Variants in HOXC4 observed in about 807,000 individuals in gnomAD.
HOXC4 encodes homeobox C4, also known as homeobox protein Hox-C4.
A neutral mutation model predicts 25.5 loss-of-function variants in HOXC4; 15 were observed. The ratio of observed to expected loss-of-function variants is 0.59; its 90% CI spans 0.39 to 0.91. HOXC4 has a LOEUF of 0.91. Among genes scored for constraint, HOXC4 ranks in the 40% least tolerant of loss-of-function variants. HOXC4 has a pLI of 0.00. For synonymous variants in HOXC4, 165 were observed against 148.0 expected (o/e 1.11, Z -0.83); for missense variants, 342 against 352.4 (o/e 0.97, Z 0.24).
chr12:54,017,353 GAGAA>G (rs1372142054), exon 1 of HOXC4: 1 of 152,242 alleles, frequency 6.6e-6, no homozygotes, highest in African/African-American at 2.4e-5. Context: ...GAGGGAAGAC[GAGAA>G]AGAGAGTGGG....
intron 1 of HOXC4, chr12:54,033,047 A>C: frequency 8.0e-7 from 1 of 1,242,244 alleles, no homozygotes; most frequent in Admixed American, 2.1e-5. Context: ...GAGAACAAAA[A>C]ACCCCTCAAC....
intron 1 of HOXC4, among the ~76,000 whole-genome samples, chr12:54,038,220 C>T (rs1189005280): frequency 6.6e-6 from 1 of 152,146 alleles, no homozygotes; most frequent in Non-Finnish European, 1.5e-5. Flanking sequence ...GCAGCCCTCC[C>T]CTTCCCACTC....
intron 1 of HOXC4, among the ~76,000 whole-genome samples, chr12:54,027,167 G>A (rs1222058550): frequency 6.6e-6 from 1 of 152,188 alleles, no homozygotes; most frequent in Non-Finnish European, 1.5e-5. Context: ...CTGCCTTTTC[G>A]TAACCGTCTC....
At chr12:54,034,285 C>A (rs145300322) in intron 1 of HOXC4, 4 of 1,613,476 alleles carry the variant, frequency 2.5e-6, no homozygotes, top group Non-Finnish European at 2.5e-6. Flanking sequence ...CAGAGACGGA[C>A]GGCAAGCGGT....
intron 1 of HOXC4, among the ~76,000 whole-genome samples, chr12:54,024,334 A>G (rs1036910837): frequency 2.6e-5 from 4 of 152,180 alleles, no homozygotes; most frequent in Non-Finnish European, 5.9e-5. Context: ...CTGAGGCTCC[A>G]GTGCTTGGGT....
rs1359035050 is a variant in HOXC4 at position 54,028,987 on chromosome 12, G to T, written c.-124+11573G>T. 4.1e-6 allele frequency: 6 copies of T among 1,479,376 alleles called. No individual in the cohort carries two copies. In the East Asian group the frequency reaches 1.4e-4, roughly 34 times the overall value. 91.6% of individuals were successfully genotyped at this position (1,479,376 alleles called of 1,614,324 possible). A position where few individuals can be genotyped will look rare whatever the true frequency, so the allele number is the denominator to read the frequency against. On this transcript the variant is annotated intron_variant, in intron 1 of 3. Transcript: ENST00000303406. ...ACTGGCTTTATGACCGGCTTCCCTA[G>T]AAGAACGGGCGGAGAGAGTTTTTTA... is the stretch of plus-strand genomic sequence containing the variant.
At chr12:54,044,937 G>A (rs1047573237) in intron 1 of HOXC4, among the ~76,000 whole-genome samples, 4 of 152,174 alleles carry the variant, frequency 2.6e-5, no homozygotes, top group Non-Finnish European at 1.5e-5. Context: ...TTCAGCCTTA[G>A]TTCAAGCCAG....
chr12:54,018,944 TG>T lies in HOXC4; in HGVS notation c.-124+1537del, dbSNP rs560356400. Among the ~76,000 whole-genome samples, 3 of 152,102 alleles carry T rather than the reference TG, an allele frequency of 2.0e-5. No individual in the cohort carries two copies. The South Asian group carries it at 6.2e-4, about 32-fold the overall frequency. ...TGTTTAAACCCTGACCCGTCGCCTG[TG>T]GGGGGGCGGGGATGGGGGAAGAAAC... On this transcript the variant is annotated intron_variant, in intron 1 of 3. Coordinates refer to the HOXC4 transcript ENST00000303406.
chr12:54,030,534 A>G (rs1239954063), intron 1 of HOXC4: 1 of 152,678 alleles, frequency 6.5e-6, no homozygotes. Flanking sequence ...GGGGGTCATT[A>G]TGGCATTTTA....
At chr12:54,034,116 GGGGCT>G (rs1165228816) in intron 1 of HOXC4, 22 of 745,938 alleles carry the variant, frequency 2.9e-5, no homozygotes, top group Non-Finnish European at 4.9e-5. Flanking sequence ...CGCCTCTCCC[GGGGCT>G]GGGCTGGGCT....
At chr12:54,023,176 G>A (rs1940526853) in intron 1 of HOXC4, among the ~76,000 whole-genome samples, 2 of 152,148 alleles carry the variant, frequency 1.3e-5, no homozygotes, top group Admixed American at 6.5e-5. Flanking sequence ...GAGGTGGGAG[G>A]CTTGGGCACC....
At chr12:54,039,282 G>A (rs1941233802) in intron 1 of HOXC4, among the ~76,000 whole-genome samples, 1 of 152,166 alleles carries the variant, frequency 6.6e-6, no homozygotes, top group Non-Finnish European at 1.5e-5. Context: ...GATGAGGAGG[G>A]AATGCTGTTA....
intron 1 of HOXC4, chr12:54,033,169 TC>T: frequency 6.2e-7 from 1 of 1,614,116 alleles, no homozygotes. Flanking sequence ...AGCCCCAATA[TC>T]CCTGCCTATA....
rs1035015914 is a variant in HOXC4, at chr12:54,025,534, G to C, written c.-124+8120G>C. Among the ~76,000 whole-genome samples, 19 of 51,232 alleles carry C rather than the reference G, an allele frequency of 3.7e-4. 1 individual carries two copies. The highest frequency in any genetic ancestry group is 2.6e-3 in the Admixed American group (17 of 6,544). 33.6% of individuals were successfully genotyped at this position (51,232 alleles called of 152,430 possible). A position where few individuals can be genotyped will look rare whatever the true frequency, so the allele number is the denominator to read the frequency against. On this transcript the variant is annotated intron_variant, in intron 1 of 3. Transcript: ENST00000303406. The stretch of plus-strand genomic sequence containing the variant: ...TCAGGAATGAAAGGTAATTGGGGGG[G>C]GGGGAGGTGTTGAAAATTAATTTTG...
At chr12:54,031,377 CA>C (rs1464107134) in intron 1 of HOXC4, among the ~76,000 whole-genome samples, 1 of 152,182 alleles carries the variant, frequency 6.6e-6, no homozygotes, top group East Asian at 1.9e-4. Flanking sequence ...TTGAGCGATT[CA>C]AGGACATCTC....
chr12:54,044,747 G>A (rs1378664140), intron 1 of HOXC4, among the ~76,000 whole-genome samples: 6 of 151,416 alleles, frequency 4.0e-5, no homozygotes, highest in Admixed American at 2.6e-4. Flanking sequence ...GTGTGTGTAA[G>A]CCCCCAGCCT....
intron 1 of HOXC4, among the ~76,000 whole-genome samples, chr12:54,023,207 T>A (rs2136424379): frequency 6.6e-6 from 1 of 152,208 alleles, no homozygotes; most frequent in South Asian, 2.1e-4. Context: ...AAGCCAGAAA[T>A]GATTTTTTCC....
chr12:54,029,013 T>C, intron 1 of HOXC4: 1 of 1,268,234 alleles, frequency 7.9e-7, no homozygotes, highest in East Asian at 2.4e-5. Context: ...GAGTTTTTTA[T>C]GGCCCCATAA....
At chr12:54,034,272 T>G in intron 1 of HOXC4, 1 of 1,612,646 alleles carries the variant, frequency 6.2e-7, no homozygotes, top group South Asian at 1.1e-5. Flanking sequence ...GGGGTTTATG[T>G]TCCAGAGACG....
Sources: gnomAD v4.1 joint callset for allele counts (sites outside exome capture counted in the v4.1 genomes callset) on GRCh38, gnomAD v4.1.1 for gene constraint, MANE v1.5 for transcripts, NCBI Gene and HGNC (gene_info 2026-07-23, HGNC 2026-07-21) for gene names.